Variants in VAC14 observed in about 807,000 individuals in gnomAD.
VAC14 encodes the protein VAC14 component of PIKFYVE complex, also known as protein VAC14 homolog.
In VAC14, 47 loss-of-function variants were observed where a neutral mutation model predicts 85.3. That is an observed-to-expected ratio of 0.55 (90% confidence interval 0.44 to 0.70). The LOEUF is 0.70. Among genes scored for constraint, VAC14 ranks in the 30% least tolerant of loss-of-function variants. The probability of loss-of-function intolerance (pLI) is 0.00; values close to 1 mark genes in which losing one functional copy is unlikely to be tolerated. For synonymous variants in VAC14, 447 were observed against 430.5 expected (o/e 1.04, Z -0.47); for missense variants, 861 against 1,004.3 (o/e 0.86, Z 1.93).
At chr16:70,712,019 C>T (rs1248426188) in intron 14 of VAC14, among the ~76,000 whole-genome samples, 1 of 152,088 alleles carries the variant, frequency 6.6e-6, no homozygotes, top group African/African-American at 2.4e-5. Flanking sequence ...TGGGAGGGGG[C>T]TCCTTCAGTT....
intron 9 of VAC14, 140 bp from the exon 10 acceptor site, chr16:70,772,312 A>C: frequency 1.5e-6 from 1 of 686,988 alleles, no homozygotes; most frequent in Non-Finnish European, 2.5e-6. Flanking sequence ...ATGGCTCTGG[A>C]GCCCTGAGGA....
intron 5 of VAC14, 111 bp downstream of exon 5, chr16:70,784,002 T>A (rs1476002054): frequency 2.3e-6 from 2 of 851,352 alleles, no homozygotes; most frequent in African/African-American, 1.7e-5. Context: ...TTAATGGCTA[T>A]TCAAGGGAGA....
chr16:70,731,383 AAGG>A (rs1332651924), intron 14 of VAC14, 109 bp downstream of exon 14: 22 of 1,516,766 alleles, frequency 1.5e-5, no homozygotes, highest in East Asian at 2.3e-5. Context: ...AGGTCAGGAA[AAGG>A]AGGAGAGAGA....
intron 18 of VAC14, chr16:70,690,978 T>C (rs1217651412): frequency 8.1e-6 from 8 of 984,976 alleles, no homozygotes; most frequent in Non-Finnish European, 7.2e-6. Context: ...CTGGGCTTGC[T>C]GGAGGTCACA....
At chr16:70,766,327 T>C (rs957161740) in intron 10 of VAC14, 18 of 374,272 alleles carry the variant, frequency 4.8e-5, no homozygotes, top group Non-Finnish European at 9.2e-5. Context: ...GGCCAGCCTG[T>C]GGGGCCTCTC....
chr16:70,797,722 C>T (rs2034603613), intron 1 of VAC14, among the ~76,000 whole-genome samples: 1 of 152,116 alleles, frequency 6.6e-6, no homozygotes, highest in Non-Finnish European at 1.5e-5. Flanking sequence ...GTGGATTTCT[C>T]CCATGATGAT....
intron 17 of VAC14, among the ~76,000 whole-genome samples, chr16:70,694,670 T>C (rs963173117): frequency 7.2e-5 from 11 of 152,378 alleles, no homozygotes; most frequent in Admixed American, 2.0e-4. Flanking sequence ...AGTGGCCTCC[T>C]GGCTTCTCTG....
chr16:70,766,526 C>A, intron 10 of VAC14: 1 of 456,816 alleles, frequency 2.2e-6, no homozygotes, highest in Non-Finnish European at 4.4e-6. Context: ...CAACCCAGAA[C>A]CTCATCACTA....
At chr16:70,716,788 A>C (rs1284360282) in intron 14 of VAC14, 1 of 152,218 alleles carries the variant, frequency 6.6e-6, no homozygotes, top group Non-Finnish European at 1.5e-5. Context: ...GCTTCCAGAA[A>C]TAGTGCTGTT....
At chr16:70,734,717 A>G (rs1300774682) in intron 13 of VAC14, among the ~76,000 whole-genome samples, 2 of 152,166 alleles carry the variant, frequency 1.3e-5, no homozygotes, top group Non-Finnish European at 2.9e-5. Flanking sequence ...CCATTTATTG[A>G]GCACCTACTA....
intron 14 of VAC14, among the ~76,000 whole-genome samples, chr16:70,701,717 G>A (rs189252432): frequency 6.6e-6 from 1 of 152,138 alleles, no homozygotes; most frequent in Non-Finnish European, 1.5e-5. Context: ...AGCGGCTTCC[G>A]CCTGGATCTG....
intron 6 of VAC14, 115 bp downstream of exon 6, chr16:70,783,330 A>C: frequency 8.8e-7 from 1 of 1,135,748 alleles, no homozygotes; most frequent in Non-Finnish European, 1.3e-6. Context: ...CACAAGAGCC[A>C]GGAAGAAGAG....
intron 13 of VAC14, among the ~76,000 whole-genome samples, chr16:70,739,708 G>A (rs2030073648): frequency 6.6e-6 from 1 of 152,226 alleles, no homozygotes; most frequent in Non-Finnish European, 1.5e-5. Context: ...GGCCTAACGT[G>A]ACCTCAGCCA....
chr16:70,751,597 G>A (rs1225080771), intron 12 of VAC14, among the ~76,000 whole-genome samples: 2 of 152,226 alleles, frequency 1.3e-5, no homozygotes, highest in African/African-American at 4.8e-5. Context: ...CAGCCTGGCT[G>A]GCCAAGCCTC....
Position 70,749,770 on chromosome 16 carries a change from G to C in VAC14, c.1372-5191C>G, listed in dbSNP as rs143552550. 2.2e-3 allele frequency among the ~76,000 whole-genome samples: 334 copies of C among 152,364 alleles called. 2 individuals are homozygous for C. The highest frequency in any genetic ancestry group is 7.6e-3 in the African/African-American group (315 of 41,584). On this transcript the variant is annotated intron_variant, in intron 12 of 18. Transcript: ENST00000261776. ...TCTGTGCCCCTCCAGTCCGGCTGCTGCTTCGCTCCCAGTTGCTAGCAAACC... is the reference window on the plus strand; with the variant it reads ...TCTGTGCCCCTCCAGTCCGGCTGCTCCTTCGCTCCCAGTTGCTAGCAAACC...
At chr16:70,731,425 C>T in intron 14 of VAC14, 70 bp downstream of exon 14, 1 of 1,569,178 alleles carries the variant, frequency 6.4e-7, no homozygotes, top group Non-Finnish European at 8.6e-7. Context: ...TGCTTTGACA[C>T]TTGAATGGCG....
chr16:70,737,394 G>A (rs2054792795), intron 13 of VAC14, among the ~76,000 whole-genome samples: 1 of 152,302 alleles, frequency 6.6e-6, no homozygotes, highest in East Asian at 1.9e-4. Context: ...AGGGAGAGGG[G>A]GGCCCACAAC....
intron 12 of VAC14, among the ~76,000 whole-genome samples, chr16:70,759,537 AG>A (rs1329257001): frequency 2.0e-5 from 3 of 152,210 alleles, no homozygotes; most frequent in Admixed American, 6.5e-5. Context: ...CTGAGGCAGG[AG>A]GACTGCTTGA....
chr16:70,764,136 C>T (rs1001849022), intron 10 of VAC14, among the ~76,000 whole-genome samples: 7 of 152,226 alleles, frequency 4.6e-5, no homozygotes, highest in Non-Finnish European at 1.0e-4. Context: ...CACTCGCCTG[C>T]AGCCTCTCTG....
Sources: gnomAD v4.1 joint callset for allele counts (sites outside exome capture counted in the v4.1 genomes callset) on GRCh38, gnomAD v4.1.1 for gene constraint, MANE v1.5 for transcripts, NCBI Gene and HGNC (gene_info 2026-07-23, HGNC 2026-07-21) for gene names.